Variants in OS9 observed in about 807,000 individuals in gnomAD.
OS9 encodes the protein protein OS-9.
In OS9, 58 loss-of-function variants were observed where a neutral mutation model predicts 84.7. The observed-to-expected ratio is 0.68, with a 90% CI of 0.55 to 0.85. OS9 has a LOEUF of 0.85. OS9 is among the 40% of genes least tolerant of loss of function. The probability of loss-of-function intolerance (pLI) is 0.00; values close to 1 mark genes in which losing one functional copy is unlikely to be tolerated. For synonymous variants in OS9, 278 were observed against 320.8 expected (o/e 0.87, Z 1.43); for missense variants, 760 against 850.9 (o/e 0.89, Z 1.33).
intron 5 of OS9, among the ~76,000 whole-genome samples, chr12:57,713,968 G>A (rs1271049917): frequency 6.6e-6 from 1 of 151,934 alleles, no homozygotes; most frequent in Non-Finnish European, 1.5e-5. Context: ...AAATTAGTTG[G>A]ATATGGTGGC....
intron 5 of OS9, among the ~76,000 whole-genome samples, chr12:57,714,995 A>G (rs1196511724): frequency 6.6e-6 from 1 of 152,230 alleles, no homozygotes; most frequent in Non-Finnish European, 1.5e-5. Context: ...TAAGAATCTT[A>G]GAATTGTTTG....
At position 57,716,724 on chromosome 12, in the gene OS9, C is replaced by T; in HGVS notation, c.1025C>T (p.Ser342Leu). 1 of 1,614,058 alleles carries T rather than the reference C, an allele frequency of 6.2e-7. No individual in the cohort carries two copies. The change falls in exon 9 of 15, where the codon TCA becomes TTA. Residue 342 changes from serine (S) to leucine (L), a missense_variant. Coordinates refer to ENST00000315970, the MANE Select transcript of OS9 (RefSeq NM_006812.4). ...EQDPSPEAAD[S>L]ASGAPNDFQN... ...GACCCAAGCCCTGAGGCAGCAGATT[C>T]AGCTTCTGGTGCTCCCAATGGTGAG...
chr12:57,704,163 CATG>C (rs759725091), intron 5 of OS9, among the ~76,000 whole-genome samples: 8 of 152,296 alleles, frequency 5.3e-5, no homozygotes, highest in Non-Finnish European at 1.0e-4. Context: ...CAACATAAAT[CATG>C]ATGTATAATG....
chr12:57,720,820 C>G lies in OS9; in HGVS notation c.1915C>G (p.Arg639Gly), dbSNP rs151192764. 1.9e-6 allele frequency: 3 copies of G among 1,613,232 alleles called. No individual in the cohort carries two copies. In the Admixed American group the frequency reaches 5.0e-5, roughly 27 times the overall value. ...TGAAGAGGCCCAGAAGGAACGCCAG[C>G]GGCAGAAAGAGCTGGAGAGCAATTA... ...GAEEAQKERQ[R>G]QKELESNYRR... Residue 639 changes from arginine (R) to glycine (G), a missense_variant, in exon 15 of 15, where the codon CGG becomes GGG. Arg to Gly is a moderately radical substitution (Grantham distance 125). Transcript: ENST00000315970.
At chr12:57,716,770 T>C (rs760346463) in intron 9 of OS9, 26 bp downstream of exon 9, 1 of 1,604,002 alleles carries the variant, frequency 6.2e-7, no homozygotes, top group Non-Finnish European at 8.5e-7. Flanking sequence ...ATGTCTCCTT[T>C]ACTGAATATA....
rs1232192355 is a variant in OS9 at position 57,715,802 on chromosome 12, G to A, written c.622G>A (p.Asp208Asn). ...EGAGISGDYI[D>N]RVDEPLSCSY... The stretch of plus-strand genomic sequence containing the variant: ...TGCAGGTATCTCTGGGGACTACATC[G>A]ATCGCGTGGACGAGCCCTTGTCCTG... Residue 208 changes from aspartate (D) to asparagine (N), a missense_variant, in exon 6 of 15, where the codon GAT becomes AAT. Physicochemically the swap from Asp to Asn is conservative, Grantham distance 23. Transcript: ENST00000315970. 9.9e-6 allele frequency: 16 copies of A among 1,613,658 alleles called. No homozygotes were observed. Among genetic ancestry groups the A allele is most frequent in the Non-Finnish European group, 1.3e-5 (15 of 1,179,794 alleles).
chr12:57,721,120 A>G lies in OS9; in HGVS notation c.*211A>G. On this transcript the variant is annotated 3_prime_UTR_variant, in exon 15 of 15. Coordinates refer to ENST00000315970, the MANE Select transcript of OS9 (RefSeq NM_006812.4). Reference sequence around the variant, plus strand: ...ACCTTGAGACCTCACCGGGCCTGTGATATTTGCTCTCCTGAACTCTCACTC... The same window carrying G: ...ACCTTGAGACCTCACCGGGCCTGTGGTATTTGCTCTCCTGAACTCTCACTC... The G allele has an allele frequency of 5.5e-6, 3 of 545,098 alleles. No individual in the cohort carries two copies. Among genetic ancestry groups the G allele is most frequent in the East Asian group, 3.3e-5 (1 of 30,310 alleles). The allele number at this position is 545,098 out of a possible 1,614,324, so 33.8% of individuals were successfully genotyped here. A position where few individuals can be genotyped will look rare whatever the true frequency, so the allele number is the denominator to read the frequency against.
chr12:57,718,256 A>AGAGGAG lies in OS9; in HGVS notation c.1248_1253dup (p.Glu416_Glu417dup). On this transcript the variant is annotated inframe_insertion, in exon 11 of 15. Transcript: ENST00000315970. ...CAGAACGGCAGAGAGAGATGGAAGA[A>AGAGGAG]GAGGAGGATGAGGATGAGGATGAGG... 1.9e-6 allele frequency: 3 copies of AGAGGAG among 1,613,762 alleles called. No homozygotes were observed. The highest frequency in any genetic ancestry group is 2.5e-6 in the Non-Finnish European group (3 of 1,179,706).
intron 7 of OS9, 32 bp downstream of exon 7, chr12:57,716,225 T>C: frequency 7.8e-7 from 1 of 1,277,328 alleles, no homozygotes; most frequent in Non-Finnish European, 1.1e-6. Flanking sequence ...TCCGTGAAAC[T>C]CACTTCCATT....
chr12:57,697,737 C>T (rs891636027), intron 5 of OS9, among the ~76,000 whole-genome samples: 5 of 152,138 alleles, frequency 3.3e-5, no homozygotes, highest in African/African-American at 7.2e-5. Context: ...TTCTGTCCTT[C>T]GAACCAGTGG....
Position 57,719,076 on chromosome 12 carries a change from C to A in OS9, c.1494C>A (p.Asn498Lys). The change falls in exon 12 of 15, where the codon AAC (asparagine) becomes AAA (lysine). Residue 498 changes from asparagine (N) to lysine (K), a missense_variant. Asn to Lys is a moderately conservative substitution (Grantham distance 94). Coordinates refer to ENST00000315970, the MANE Select transcript of OS9 (RefSeq NM_006812.4). ...TGCTGGCTCTCACATCCACTCTCAA[C>A]AAACTCATCAAAAGACTGGAGGAAA... Reference protein sequence around the residue: ...RAMLALTSTLNKLIKRLEEKQ... With the variant: ...RAMLALTSTLKKLIKRLEEKQ... 6.2e-7 allele frequency: 1 copy of A among 1,614,020 alleles called. No individual in the cohort carries two copies.
In OS9 at chr12:57,694,783, A is replaced by C; in HGVS notation, c.196A>C (p.Lys66Gln). Residue 66 changes from lysine (K) to glutamine (Q), a missense_variant, in exon 2 of 15, where the codon AAG becomes CAG. Lys to Gln is a moderately conservative substitution (Grantham distance 53). Transcript: ENST00000315970. ...TTCGGACGTGGTGATTGTCTCCTCT[A>C]AGTACAAACAGCGCTATGAGTGTCG... is the stretch of plus-strand genomic sequence containing the variant. Reference protein sequence around the residue: ...QSSDVVIVSSKYKQRYECRLP... With the variant: ...QSSDVVIVSSQYKQRYECRLP... The C allele has an allele frequency of 6.2e-7, 1 of 1,613,930 alleles. No homozygotes were observed. Among genetic ancestry groups the C allele is most frequent in the Non-Finnish European group, 8.5e-7 (1 of 1,179,972 alleles).
chr12:57,707,381 TGAG>T (rs1397809037), intron 5 of OS9, among the ~76,000 whole-genome samples: 1 of 152,180 alleles, frequency 6.6e-6, no homozygotes, highest in Non-Finnish European at 1.5e-5. Flanking sequence ...CCTCTACTTC[TGAG>T]GAGGATTTAG....
intron 2 of OS9, 135 bp downstream of exon 2, chr12:57,695,061 C>A: frequency 1.4e-6 from 1 of 708,714 alleles, no homozygotes; most frequent in Non-Finnish European, 2.4e-6. Flanking sequence ...AGACAGATTA[C>A]ACGGACAGGA....
chr12:57,720,853 G>A lies in OS9; in HGVS notation c.1948G>A (p.Val650Met), dbSNP rs764504069. ...AGAGCTGGAGAGCAATTACCGCCGGGTGTGGGGCTCTCCAGGTGGGGAGGG... is the reference window on the plus strand; with the variant it reads ...AGAGCTGGAGAGCAATTACCGCCGGATGTGGGGCTCTCCAGGTGGGGAGGG... Reference protein sequence around the residue: ...QKELESNYRRVWGSPGGEGTG... With the variant: ...QKELESNYRRMWGSPGGEGTG... Residue 650 changes from valine to methionine, a missense_variant, in exon 15 of 15, where the codon GTG becomes ATG. Transcript: ENST00000315970. The A allele has an allele frequency of 2.5e-6, 4 of 1,614,040 alleles. No homozygotes were observed. The Admixed American group carries it at 5.0e-5, about 20-fold the overall frequency.
intron 7 of OS9, 56 bp from the exon 8 acceptor site, chr12:57,716,356 C>A: frequency 7.0e-7 from 1 of 1,428,222 alleles, no homozygotes; most frequent in Non-Finnish European, 9.7e-7. Context: ...CCTATTTGCT[C>A]CCTTCTGTCT....
At chr12:57,698,881 G>A (rs1194476651) in intron 5 of OS9, among the ~76,000 whole-genome samples, 1 of 152,122 alleles carries the variant, frequency 6.6e-6, no homozygotes, top group African/African-American at 2.4e-5. Flanking sequence ...AATGGTTAGG[G>A]GAGGCAATGA....
intron 2 of OS9, chr12:57,695,228 C>G (rs753547048): frequency 9.0e-6 from 4 of 443,098 alleles, no homozygotes; most frequent in Non-Finnish European, 1.2e-5. Context: ...CACCCCCTGC[C>G]CTATCACTCT....
At chr12:57,703,909 A>C (rs1954094149) in intron 5 of OS9, among the ~76,000 whole-genome samples, 1 of 152,218 alleles carries the variant, frequency 6.6e-6, no homozygotes, top group South Asian at 2.1e-4. Flanking sequence ...AGAAGCTTTC[A>C]ATGTTTCACC....
Sources: gnomAD v4.1 joint callset for allele counts (sites outside exome capture counted in the v4.1 genomes callset) on GRCh38, gnomAD v4.1.1 for gene constraint, MANE v1.5 for transcripts, NCBI Gene and HGNC (gene_info 2026-07-23, HGNC 2026-07-21) for gene names.